The following SLC24A2 variants were observed in gnomAD, a reference collection of about 807,000 sequenced individuals.
The protein encoded by SLC24A2 is solute carrier family 24 member 2.
In SLC24A2, 36 loss-of-function variants were observed where a neutral mutation model predicts 62.0. The observed-to-expected ratio is 0.58, with a 90% confidence interval of 0.44 to 0.77. The LOEUF (loss-of-function observed/expected upper bound fraction) is 0.77, where lower values mean the gene tolerates loss of function less well. Ranked by LOEUF, SLC24A2 falls within the 30% of genes least tolerant of loss-of-function variation. The pLI, the probability that SLC24A2 is intolerant of heterozygous loss-of-function variation, is 0.00. For synonymous variants in SLC24A2, 358 were observed against 294.0 expected (o/e 1.22, Z -2.23); for missense variants, 846 against 817.9 (o/e 1.03, Z -0.42).
Position 19,636,455 on chromosome 9 carries a change from G to A in SLC24A2, c.931-14156C>T, listed in dbSNP as rs115801786. 6.9e-3 allele frequency among the ~76,000 whole-genome samples: 970 copies of A among 140,706 alleles called. 43 individuals carry two copies. Among genetic ancestry groups the A allele is most frequent in the African/African-American group, 0.025 (922 of 36,832 alleles). The allele number at this position is 140,706 out of a possible 152,430, so 92.3% of individuals were successfully genotyped here. On this transcript the variant is annotated intron_variant, in intron 2 of 10. Transcript: ENST00000341998. ...CTCTTCTCTTTTCTTTTTTGGAGAG[G>A]GCATCTCACTCTGTTACCCAGGCTG...
At chr9:20,159,670 G>A in the SLC24A2 span, among the ~76,000 whole-genome samples, 11 of 151,354 alleles carry the variant, frequency 7.3e-5, no homozygotes, top group Non-Finnish European at 1.2e-4. Flanking sequence ...TAGGGAATAG[G>A]TGGATGTCAG....
chr9:19,984,775 A>G, the SLC24A2 span, among the ~76,000 whole-genome samples: 1 of 152,176 alleles, frequency 6.6e-6, no homozygotes, highest in African/African-American at 2.4e-5. Context: ...AACATCGTTC[A>G]ATAGCAAAAG....
At chr9:20,272,341 C>G in the SLC24A2 span, among the ~76,000 whole-genome samples, 1 of 152,290 alleles carries the variant, frequency 6.6e-6, no homozygotes, top group African/African-American at 2.4e-5. Context: ...GAGAGAACTG[C>G]TGTTTTAGAG....
the SLC24A2 span, among the ~76,000 whole-genome samples, chr9:20,097,776 T>C: frequency 7.4e-5 from 10 of 135,044 alleles, no homozygotes; most frequent in African/African-American, 2.5e-4. Flanking sequence ...GGAGTCTTGC[T>C]CTGTCACCCA....
At chr9:20,293,985 C>T in the SLC24A2 span, among the ~76,000 whole-genome samples, 1 of 152,148 alleles carries the variant, frequency 6.6e-6, no homozygotes, top group Non-Finnish European at 1.5e-5. Flanking sequence ...TTCCGTGTAT[C>T]TCTGGCCAGC....
chr9:19,986,903 A>G, the SLC24A2 span, among the ~76,000 whole-genome samples: 174 of 152,278 alleles, frequency 1.1e-3, no homozygotes, highest in South Asian at 2.3e-3. Flanking sequence ...AATGCCATTG[A>G]AATGTTCAGT....
chr9:20,086,042 C>T, the SLC24A2 span, among the ~76,000 whole-genome samples: 1 of 152,162 alleles, frequency 6.6e-6, no homozygotes, highest in African/African-American at 2.4e-5. Context: ...TCTCCCATGT[C>T]CTCCTTCATC....
At chr9:20,146,488 C>A in the SLC24A2 span, among the ~76,000 whole-genome samples, 2 of 152,014 alleles carry the variant, frequency 1.3e-5, no homozygotes, top group Non-Finnish European at 2.9e-5. Flanking sequence ...GCTCACTAGG[C>A]AAAATTATGA....
intron 2 of SLC24A2, among the ~76,000 whole-genome samples, chr9:19,717,748 CCTT>C (rs907141039): frequency 6.6e-6 from 1 of 151,952 alleles, no homozygotes; most frequent in African/African-American, 2.4e-5. Flanking sequence ...GTTTTGTACA[CCTT>C]CTCCTCTTTT....
chr9:19,600,403 A>G (rs1836811904), intron 4 of SLC24A2, among the ~76,000 whole-genome samples: 1 of 152,160 alleles, frequency 6.6e-6, no homozygotes, highest in Admixed American at 6.5e-5. Context: ...TACTTTGGGG[A>G]GGAATGAAAG....
chr9:19,670,207 G>A (rs1270364472), intron 2 of SLC24A2, among the ~76,000 whole-genome samples: 1 of 152,146 alleles, frequency 6.6e-6, no homozygotes, highest in African/African-American at 2.4e-5. Context: ...TGTAGCTGTA[G>A]GTGGTAAGTA....
the SLC24A2 span, among the ~76,000 whole-genome samples, chr9:19,933,424 C>G: frequency 2.6e-5 from 4 of 152,312 alleles, no homozygotes; most frequent in Non-Finnish European, 4.4e-5. Context: ...AAAATGCTTT[C>G]ACACTCAAAA....
At chr9:20,069,298 C>T in the SLC24A2 span, among the ~76,000 whole-genome samples, 1 of 152,146 alleles carries the variant, frequency 6.6e-6, no homozygotes, top group Non-Finnish European at 1.5e-5. Context: ...ATTTTCGCCT[C>T]CTATATTGAT....
the SLC24A2 span, among the ~76,000 whole-genome samples, chr9:20,052,586 C>T: frequency 2.7e-4 from 41 of 152,156 alleles, no homozygotes. Flanking sequence ...GATAGAGCCT[C>T]ATTCTCTCCT....
chr9:19,654,281 G>A (rs1459630476), intron 2 of SLC24A2, among the ~76,000 whole-genome samples: 1 of 152,242 alleles, frequency 6.6e-6, no homozygotes, highest in South Asian at 2.1e-4. Context: ...TTTGTACTCT[G>A]TCTTGCTTGG....
chr9:19,550,793 C>T (rs1834806828), intron 7 of SLC24A2, among the ~76,000 whole-genome samples: 1 of 150,570 alleles, frequency 6.6e-6, no homozygotes, highest in African/African-American at 2.4e-5. Context: ...GAGAGATTAA[C>T]TTCCCACTGG....
intron 9 of SLC24A2, among the ~76,000 whole-genome samples, chr9:19,523,063 G>C (rs955520962): frequency 6.6e-6 from 1 of 152,204 alleles, no homozygotes; most frequent in African/African-American, 2.4e-5. Context: ...ATGCACGGTA[G>C]TTCCAGCTAC....
chr9:20,029,641 A>G, the SLC24A2 span, among the ~76,000 whole-genome samples: 1 of 152,206 alleles, frequency 6.6e-6, no homozygotes, highest in South Asian at 2.1e-4. Flanking sequence ...AGTTTTTGAG[A>G]TACTACATAG....
Position 19,588,770 on chromosome 9 carries a change from G to A in SLC24A2, c.1129+8459C>T, listed in dbSNP as rs191823115. Among the ~76,000 whole-genome samples, 617 of 152,222 alleles carry A rather than the reference G, an allele frequency of 4.1e-3. 3 individuals carry two copies. The highest frequency in any genetic ancestry group is 0.02 in the Middle Eastern group (6 of 294). On this transcript the variant is annotated intron_variant, in intron 5 of 10. Transcript: ENST00000341998. ...GAGGTCAGGGATTCAAGACGAGCCT[G>A]GTCAACACGGTGAAACCCCGTCTCT...
Sources: gnomAD v4.1 joint callset for allele counts (sites outside exome capture counted in the v4.1 genomes callset) on GRCh38, gnomAD v4.1.1 for gene constraint, MANE v1.5 for transcripts, NCBI Gene and HGNC (gene_info 2026-07-23, HGNC 2026-07-21) for gene names.